The following ZNF217 variants were observed in gnomAD, a reference collection of about 807,000 sequenced individuals.
ZNF217 encodes the protein zinc finger protein 217.
A neutral mutation model predicts 73.3 loss-of-function variants in ZNF217; 12 were observed. The observed-to-expected ratio is 0.16, with a 90% CI of 0.10 to 0.27. ZNF217 has a LOEUF of 0.27. Ranked by LOEUF, ZNF217 falls within the 10% of genes least tolerant of loss-of-function variation. The pLI, the probability that ZNF217 is intolerant of heterozygous loss-of-function variation, is 1.00. For missense variants in ZNF217, 1,195 were observed against 1,327.8 expected (o/e 0.90, Z 1.55); for synonymous variants, 588 against 516.4 (o/e 1.14, Z -1.88).
chr20:53,569,013 T>C lies in ZNF217; in HGVS notation c.*275A>G. On this transcript the variant is annotated 3_prime_UTR_variant, in exon 6 of 6. Coordinates refer to ENST00000371471, the MANE Select transcript of ZNF217 (RefSeq NM_006526.3). Reference sequence around the variant, plus strand: ...TATTTGGTCAATTCTAAGAAAAATATTATTCAGGGACAAAATAGAGATTTC... The same window carrying C: ...TATTTGGTCAATTCTAAGAAAAATACTATTCAGGGACAAAATAGAGATTTC... 1.2e-6 allele frequency: 1 copy of C among 826,198 alleles called. No individual in the cohort carries two copies. 51.2% of individuals were successfully genotyped at this position (826,198 alleles called of 1,614,324 possible).
rs758410307 is a variant in ZNF217, at chr20:53,582,227, G to A, written c.600C>T (p.Asn200=). The change falls in exon 2 of 6, where the codon AAC becomes AAT. Residue 200 remains asparagine, a synonymous_variant. Transcript: ENST00000371471. The surrounding 1 kb of genome is among the most constrained non-coding windows in gnomAD (Gnocchi z 4.8). ...QGLESSPATI[N]EVVQVHAAES... Reference sequence around the variant, plus strand: ...CGGCCGCGTGCACCTGGACGACCTCGTTGATCGTTGCTGGACTACTCTCCA... The same window carrying A: ...CGGCCGCGTGCACCTGGACGACCTCATTGATCGTTGCTGGACTACTCTCCA... The A allele has an allele frequency of 4.8e-5, 77 of 1,613,990 alleles. No homozygotes were observed. Among genetic ancestry groups the A allele is most frequent in the Admixed American group, 1.0e-4 (6 of 60,012 alleles).
intron 4 of ZNF217, 115 bp from the exon 5 acceptor site, chr20:53,571,968 T>A: frequency 9.7e-7 from 1 of 1,028,556 alleles, no homozygotes. Flanking sequence ...AATCAACGCC[T>A]AAGTCACACA....
In ZNF217 at chr20:53,576,849, G is replaced by T. The variant is rs901679183; in HGVS notation, c.1915C>A (p.Leu639Ile). The change falls in exon 4 of 6, where the codon CTC (leucine) becomes ATC (isoleucine). Residue 639 changes from leucine to isoleucine, a missense_variant. This residue lies in a region of ZNF217 where 649 missense variants were observed against 642.8 expected (regional missense o/e 1.01). Transcript: ENST00000371471. ...ACATCCGCCTTGGTTCTACAGATGAGGTTATTTGCCTGAGTTTCAACTGCT... is the reference window on the plus strand; with the variant it reads ...ACATCCGCCTTGGTTCTACAGATGATGTTATTTGCCTGAGTTTCAACTGCT... ...RSAVETQANNLICRTKADVTP... is the reference protein window; with the variant it reads ...RSAVETQANNIICRTKADVTP... The T allele has an allele frequency of 6.2e-7, 1 of 1,614,172 alleles. No homozygotes were observed. The highest frequency in any genetic ancestry group is 1.3e-5 in the African/African-American group (1 of 75,030).
chr20:53,593,673 G>A (rs1988966140), intron 1 of ZNF217, 83 bp downstream of exon 1: 1 of 150,966 alleles, frequency 6.6e-6, no homozygotes. Flanking sequence ...ACGAGAGCCG[G>A]GCGCCTCGGG....
chr20:53,578,308 TG>T, intron 3 of ZNF217, 25 bp downstream of exon 3: 1 of 1,469,922 alleles, frequency 6.8e-7, no homozygotes. Context: ...AACTAATGCA[TG>T]GTTAAAAAAA....
chr20:53,581,495 T>A lies in ZNF217; in HGVS notation c.1332A>T (p.Gly444=), dbSNP rs1988481708. The part of the protein sequence containing the change: ...VDRGEGGSED[G]SEDGLPEGIH... ...TTCCTTCGGGAAGCCCATCCTCAGA[T>A]CCGTCTTCAGAACCACCTTCCCCTC... Residue 444 remains glycine, a synonymous_variant, in exon 2 of 6, where the codon GGA becomes GGT. Transcript: ENST00000371471. The surrounding 1 kb of genome is among the most constrained non-coding windows in gnomAD (Gnocchi z 4.9). 6.2e-7 allele frequency: 1 copy of A among 1,612,832 alleles called. No homozygotes were observed. The highest frequency in any genetic ancestry group is 8.5e-7 in the Non-Finnish European group (1 of 1,179,036).
rs1019961588 is a variant in ZNF217 at position 53,567,687 on chromosome 20, T to G, written c.*1601A>C. 6.6e-6 allele frequency: 1 copy of G among 152,596 alleles called. No individual in the cohort carries two copies. The highest frequency in any genetic ancestry group is 6.5e-5 in the Admixed American group (1 of 15,268). The allele number at this position is 152,596 out of a possible 1,614,324, so 9.5% of individuals were successfully genotyped here. On this transcript the variant is annotated 3_prime_UTR_variant, in exon 6 of 6. Coordinates refer to ENST00000371471, the MANE Select transcript of ZNF217 (RefSeq NM_006526.3). ...GATTATGTACATATGGCTCAGCTTG[T>G]GAACAGGAAAAAAGGTCAATAGTGT...
chr20:53,571,657 C>T, intron 5 of ZNF217, 64 bp downstream of exon 5: 1 of 1,540,182 alleles, frequency 6.5e-7, no homozygotes, highest in Non-Finnish European at 8.7e-7. Context: ...TCCGCCCGCC[C>T]TGACCTCCCA....
At chr20:53,593,538 G>C (rs1037059172) in intron 1 of ZNF217, among the ~76,000 whole-genome samples, 1 of 151,804 alleles carries the variant, frequency 6.6e-6, no homozygotes, top group Non-Finnish European at 1.5e-5. Context: ...AGCGGATGCA[G>C]CCCGGGATCG....
intron 1 of ZNF217, among the ~76,000 whole-genome samples, chr20:53,590,911 G>A (rs1165766096): frequency 6.6e-6 from 1 of 152,064 alleles, no homozygotes; most frequent in East Asian, 1.9e-4. Context: ...CACTGGAAGG[G>A]GATTAGGGGC....
At chr20:53,588,549 ACT>A (rs1988775460) in intron 1 of ZNF217, among the ~76,000 whole-genome samples, 2 of 151,158 alleles carry the variant, frequency 1.3e-5, no homozygotes, top group South Asian at 4.2e-4. Context: ...ACCTGCACTA[ACT>A]CTCTGTAATG....
At chr20:53,578,075 G>A (rs796586457) in intron 3 of ZNF217, among the ~76,000 whole-genome samples, 16 of 152,200 alleles carry the variant, frequency 1.1e-4, no homozygotes, top group African/African-American at 3.1e-4. Context: ...TTGCACCACT[G>A]CACTCCAGCC....
At chr20:53,586,694 G>T (rs539518069) in intron 1 of ZNF217, among the ~76,000 whole-genome samples, 2 of 152,208 alleles carry the variant, frequency 1.3e-5, no homozygotes, top group Non-Finnish European at 1.5e-5. Flanking sequence ...TAAAGTGGTT[G>T]TAACAATAAA....
At chr20:53,572,257 T>C (rs1988044531) in intron 4 of ZNF217, among the ~76,000 whole-genome samples, 1 of 152,102 alleles carries the variant, frequency 6.6e-6, no homozygotes, top group South Asian at 2.1e-4. Context: ...AATAAAAAAT[T>C]AGCTGGGTAT....
At chr20:53,591,669 G>A (rs1720428906) in intron 1 of ZNF217, among the ~76,000 whole-genome samples, 1 of 152,230 alleles carries the variant, frequency 6.6e-6, no homozygotes, top group Admixed American at 6.5e-5. Context: ...TACCATTAAG[G>A]ACACACCTTA....
At chr20:53,593,728 G>A (rs1401483558) in intron 1 of ZNF217, 28 bp downstream of exon 1, 3 of 151,074 alleles carry the variant, frequency 2.0e-5, no homozygotes, top group Non-Finnish European at 4.4e-5. Flanking sequence ...GCCCCGGCTG[G>A]CGCGGGCGGG....
At chr20:53,592,463 T>C (rs1422708311) in intron 1 of ZNF217, among the ~76,000 whole-genome samples, 2 of 151,874 alleles carry the variant, frequency 1.3e-5, no homozygotes, top group Non-Finnish European at 2.9e-5. Flanking sequence ...GAAGTGGCCT[T>C]TTCTAGCTCC....
At chr20:53,571,343 G>T (rs1987988026) in intron 5 of ZNF217, among the ~76,000 whole-genome samples, 1 of 149,708 alleles carries the variant, frequency 6.7e-6, no homozygotes, top group East Asian at 2.0e-4. Flanking sequence ...AAGCAATTTT[G>T]TTACATTATA....
chr20:53,594,763 C>G (rs576825321), upstream of ZNF217, among the ~76,000 whole-genome samples: 2 of 152,124 alleles, frequency 1.3e-5, no homozygotes, highest in Non-Finnish European at 2.9e-5. Flanking sequence ...TGGGTCACCC[C>G]GAATTACAAA....
Sources: gnomAD v4.1 joint callset for allele counts (sites outside exome capture counted in the v4.1 genomes callset) on GRCh38, gnomAD v4.1.1 for gene constraint, gnomAD v4.1.1 regional missense constraint, Gnocchi (gnomAD v3.1) non-coding constraint, MANE v1.5 for transcripts, NCBI Gene and HGNC (gene_info 2026-07-23, HGNC 2026-07-21) for gene names.